TNRC6C: variants seen among roughly 807,000 people sequenced by gnomAD.
TNRC6C encodes the protein trinucleotide repeat-containing gene 6C protein.
In TNRC6C, 20 loss-of-function variants were observed where a neutral mutation model predicts 153.7. The ratio of observed to expected loss-of-function variants is 0.13; its 90% confidence interval spans 0.09 to 0.19. The LOEUF (loss-of-function observed/expected upper bound fraction) is 0.19. Among genes scored for constraint, TNRC6C ranks in the 10% least tolerant of loss-of-function variants. The probability of loss-of-function intolerance (pLI) is 1.00; values close to 1 mark genes in which losing one functional copy is unlikely to be tolerated. For synonymous variants in TNRC6C, 811 were observed against 841.4 expected (o/e 0.96, Z 0.63); for missense variants, 1,987 against 2,172.0 (o/e 0.91, Z 1.69).
At chr17:78,026,351 G>A (rs976025610) in intron 1 of TNRC6C, among the ~76,000 whole-genome samples, 5 of 152,128 alleles carry the variant, frequency 3.3e-5, no homozygotes, top group Admixed American at 1.3e-4. Context: ...TAGGTGAGGA[G>A]GTGACATTTA....
intron 2 of TNRC6C, among the ~76,000 whole-genome samples, chr17:78,034,651 A>C (rs531070857): frequency 1.3e-5 from 2 of 152,278 alleles, no homozygotes; most frequent in South Asian, 2.1e-4. Context: ...CTTGCCTTTA[A>C]ACTAAGTTGG....
chr17:77,968,416 A>G (rs932213065), intron 1 of TNRC6C, among the ~76,000 whole-genome samples: 2 of 151,652 alleles, frequency 1.3e-5, no homozygotes, highest in Non-Finnish European at 2.9e-5. Flanking sequence ...ATGTCAGCTC[A>G]CTGCAACCTC....
chr17:78,092,929 A>G lies in TNRC6C; in HGVS notation c.3971-4A>G, dbSNP rs1179424330. On this transcript the variant is annotated splice_region_variant and splice_polypyrimidine_tract_variant and intron_variant, in intron 14 of 19. Transcript: ENST00000301624. ...CGCTTCTTTGTTTCCTATTGTCCCCATAGGTGCTATCCCTGGAGGTCTAAG... is the reference window on the plus strand; with the variant it reads ...CGCTTCTTTGTTTCCTATTGTCCCCGTAGGTGCTATCCCTGGAGGTCTAAG... 2.5e-6 allele frequency: 4 copies of G among 1,613,590 alleles called. No homozygotes were observed. Among genetic ancestry groups the G allele is most frequent in the Non-Finnish European group, 3.4e-6 (4 of 1,179,762 alleles).
chr17:77,963,596 A>G (rs1227362909), intron 1 of TNRC6C, among the ~76,000 whole-genome samples: 1 of 152,192 alleles, frequency 6.6e-6, no homozygotes, highest in Admixed American at 6.5e-5. Context: ...CCTTCAAAAG[A>G]CTATAGAGCT....
At chr17:78,031,163 C>T (rs1441854344) in intron 1 of TNRC6C, among the ~76,000 whole-genome samples, 1 of 151,924 alleles carries the variant, frequency 6.6e-6, no homozygotes, top group Non-Finnish European at 1.5e-5. Context: ...CTTTTTGACA[C>T]TGAATCAGAA....
intron 6 of TNRC6C, among the ~76,000 whole-genome samples, chr17:78,071,989 C>T (rs904537855): frequency 6.6e-6 from 1 of 152,182 alleles, no homozygotes; most frequent in African/African-American, 2.4e-5. Context: ...AGGGATGTCG[C>T]CCATATTCGC....
At chr17:77,977,965 G>A (rs928301243) in intron 1 of TNRC6C, among the ~76,000 whole-genome samples, 4 of 142,400 alleles carry the variant, frequency 2.8e-5, no homozygotes, top group Non-Finnish European at 6.0e-5. Context: ...GCGCAATCTC[G>A]GCTCACTGCA....
chr17:78,069,041 G>A (rs73999621), intron 5 of TNRC6C, among the ~76,000 whole-genome samples: 2 of 151,946 alleles, frequency 1.3e-5, no homozygotes, highest in Non-Finnish European at 2.9e-5. Context: ...AAATCTAAAA[G>A]CCATAAAATA....
At chr17:78,035,538 G>C (rs1452242933) in intron 2 of TNRC6C, among the ~76,000 whole-genome samples, 1 of 152,196 alleles carries the variant, frequency 6.6e-6, no homozygotes, top group African/African-American at 2.4e-5. Context: ...TTGTGAAGCA[G>C]AGTGTTCACA....
At chr17:77,975,429 G>GAGA (rs2070985231) in intron 1 of TNRC6C, among the ~76,000 whole-genome samples, 1 of 152,168 alleles carries the variant, frequency 6.6e-6, no homozygotes, top group African/African-American at 2.4e-5. Context: ...GTGCTGGAGG[G>GAGA]AGAAAGAAGC....
chr17:78,054,334 T>C (rs749985983), intron 3 of TNRC6C, among the ~76,000 whole-genome samples: 1 of 152,066 alleles, frequency 6.6e-6, no homozygotes, highest in Non-Finnish European at 1.5e-5. Flanking sequence ...TGCAGACTAC[T>C]GCACACTACT....
At chr17:78,071,264 C>A in intron 6 of TNRC6C, 99 bp downstream of exon 8, 2 of 1,204,030 alleles carry the variant, frequency 1.7e-6, no homozygotes, top group Non-Finnish European at 2.4e-6. Flanking sequence ...CAGAAGACAC[C>A]AAGATTGTTT....
intron 2 of TNRC6C, among the ~76,000 whole-genome samples, chr17:78,038,129 A>C (rs2072217274): frequency 6.6e-6 from 1 of 152,256 alleles, no homozygotes; most frequent in Non-Finnish European, 1.5e-5. Context: ...ATCTTGGGAT[A>C]AAATTTTAAT....
rs1300443120 is a variant in TNRC6C, at chr17:78,049,745, C to T, written c.683C>T (p.Ala228Val). Residue 228 changes from alanine to valine, a missense_variant, in exon 3 of 20, where the codon GCT (alanine) becomes GTT (valine). Ala to Val is a moderately conservative substitution (Grantham distance 64, BLOSUM62 0). Transcript: ENST00000301624. The surrounding 1 kb of genome is among the most constrained non-coding windows in gnomAD (Gnocchi z 4.1). ...CCCCACCTGCAAGGCCTTCCTGGTG[C>T]TAATGGATCATCAGTTTCTCAAGTC... 6.3e-7 allele frequency: 1 copy of T among 1,590,772 alleles called. No homozygotes were observed. The highest frequency in any genetic ancestry group is 2.2e-5 in the East Asian group (1 of 44,676).
exon 3 of TNRC6C, chr17:78,051,043 C>T: frequency 6.2e-7 from 1 of 1,612,496 alleles, no homozygotes; most frequent in Non-Finnish European, 8.5e-7. Flanking sequence ...GACTTTAAAA[C>T]CTGGCCCCCA....
At chr17:78,026,902 A>G (rs2071951899) in intron 1 of TNRC6C, among the ~76,000 whole-genome samples, 1 of 152,266 alleles carries the variant, frequency 6.6e-6, no homozygotes, top group Non-Finnish European at 1.5e-5. Context: ...GGCATGTAGG[A>G]GCTATTAATA....
In TNRC6C at chr17:78,088,959, CTT is replaced by C. The variant is rs59304499; in HGVS notation, c.3802+1891_3802+1892del. Among the ~76,000 whole-genome samples, 563 of 86,536 alleles carry C rather than the reference CTT, an allele frequency of 6.5e-3. 1 individual carries two copies. Among genetic ancestry groups the C allele is most frequent in the Admixed American group, 0.022 (183 of 8,222 alleles). The allele number at this position is 86,536 out of a possible 152,430, so 56.8% of individuals were successfully genotyped here. ...GGAGGATAAAGTACACTTATCGTTA[CTT>C]TTTTTTTTTTTTTTTTTTTTTTTTG... On this transcript the variant is annotated intron_variant, in intron 13 of 19. Transcript: ENST00000301624.
chr17:78,043,319 G>A (rs2072338357), intron 2 of TNRC6C, among the ~76,000 whole-genome samples: 1 of 152,172 alleles, frequency 6.6e-6, no homozygotes, highest in African/African-American at 2.4e-5. Context: ...AGAAGTGCAA[G>A]GAGGCTATAG....
rs573592913 is a variant in TNRC6C, at chr17:78,102,340, G to A, written c.4502-134G>A. ...ACCAAAGATAGCATGGGCCTCCCAG[G>A]CTGAGAAAGGCTTTCCTAAAGCACG... On this transcript the variant is annotated intron_variant, in intron 17 of 19. Transcript: ENST00000301624. 5.2e-5 allele frequency: 39 copies of A among 749,550 alleles called. 3 individuals carry two copies. In the South Asian group the frequency reaches 7.2e-4, roughly 14 times the overall value. 46.4% of individuals were successfully genotyped at this position (749,550 alleles called of 1,614,324 possible). A position where few individuals can be genotyped will look rare whatever the true frequency, so the allele number is the denominator to read the frequency against.
Sources: gnomAD v4.1 joint callset for allele counts (sites outside exome capture counted in the v4.1 genomes callset) on GRCh38, gnomAD v4.1.1 for gene constraint, Gnocchi (gnomAD v3.1) non-coding constraint, MANE v1.5 for transcripts, NCBI Gene and HGNC (gene_info 2026-07-23, HGNC 2026-07-21) for gene names.